MIDEAS: variants seen among roughly 807,000 people sequenced by gnomAD.
MIDEAS encodes mitotic deacetylase associated SANT domain protein.
MIDEAS carries 26 observed loss-of-function variants against 102.7 expected under a neutral mutation model. The observed-to-expected ratio is 0.25, with a 90% confidence interval of 0.19 to 0.35. MIDEAS has a LOEUF of 0.35. Among genes scored for constraint, MIDEAS ranks in the 10% least tolerant of loss-of-function variants. The pLI is 1.00. For synonymous variants in MIDEAS, 585 were observed against 591.0 expected (o/e 0.99, Z 0.15); for missense variants, 1,231 against 1,435.6 (o/e 0.86, Z 2.30).
At chr14:73,720,725 C>T (rs2052978309) in intron 11 of MIDEAS, among the ~76,000 whole-genome samples, 1 of 152,202 alleles carries the variant, frequency 6.6e-6, no homozygotes, top group Admixed American at 6.5e-5. Flanking sequence ...GTCCAAGGAC[C>T]TGGGGCAAGT....
At chr14:73,786,632 A>T (rs138782953) in intron 1 of MIDEAS, among the ~76,000 whole-genome samples, 1,682 of 152,342 alleles carry the variant, frequency 0.011, 40 homozygotes, top group African/African-American at 0.039. Context: ...TCTTCGTCCC[A>T]GGAAGGCCAA....
rs1199484507 is a variant in MIDEAS at position 73,759,032 on chromosome 14, C to T, written c.-248+731G>A. ...AGGCACCAGGGAACACAGCTCCCCG[C>T]GAGGCACCGCGCGGGCTGGGAGGGC... On this transcript the variant is annotated intron_variant, in intron 1 of 12. Transcript: ENST00000423556. The surrounding 1 kb of genome is among the most constrained non-coding windows in gnomAD (Gnocchi z 6.7). 6.6e-6 allele frequency among the ~76,000 whole-genome samples: 1 copy of T among 152,124 alleles called. No homozygotes were observed. Among genetic ancestry groups the T allele is most frequent in the South Asian group, 2.1e-4 (1 of 4,830 alleles).
At chr14:73,727,599 G>T in intron 4 of MIDEAS, 75 bp from the exon 5 acceptor site, 2 of 1,381,324 alleles carry the variant, frequency 1.4e-6, no homozygotes, top group East Asian at 2.5e-5. Context: ...TGGCTGCCCT[G>T]TATGTGCAAG....
At chr14:73,776,121 A>C (rs2053685914) in intron 1 of MIDEAS, among the ~76,000 whole-genome samples, 1 of 151,980 alleles carries the variant, frequency 6.6e-6, no homozygotes, top group Admixed American at 6.6e-5. Flanking sequence ...CTTGGGGAAG[A>C]AGCAGAATTC....
At chr14:73,757,199 G>C (rs2053494038) in intron 1 of MIDEAS, among the ~76,000 whole-genome samples, 1 of 145,036 alleles carries the variant, frequency 6.9e-6, no homozygotes, top group African/African-American at 2.6e-5. Context: ...TTGAGCCCAG[G>C]AGGCTGAGAT....
At chr14:73,761,536 C>A (rs2053554425), upstream of MIDEAS, among the ~76,000 whole-genome samples, 1 of 152,216 alleles carries the variant, frequency 6.6e-6, no homozygotes, top group Non-Finnish European at 1.5e-5. Context: ...ATAAGGAACA[C>A]TTAAAACAAT....
chr14:73,732,095 G>A (rs2053146337), intron 3 of MIDEAS, among the ~76,000 whole-genome samples: 1 of 152,202 alleles, frequency 6.6e-6, no homozygotes, highest in African/African-American at 2.4e-5. Flanking sequence ...GCATTGAGCT[G>A]TGGAGCTGCT....
intron 1 of MIDEAS, among the ~76,000 whole-genome samples, chr14:73,743,987 C>A (rs2053316805): frequency 1.3e-5 from 2 of 151,360 alleles, no homozygotes; most frequent in South Asian, 4.2e-4. Flanking sequence ...TGGGACCTAG[C>A]AGGCTTTCAG....
chr14:73,761,088 T>TGGTGGTGGCGGCGGC (rs2053550538), upstream of MIDEAS, among the ~76,000 whole-genome samples: 1 of 151,614 alleles, frequency 6.6e-6, no homozygotes, highest in Non-Finnish European at 1.5e-5. Flanking sequence ...GGTGCAGTGG[T>TGGTGGTGGCGGCGGC]GGTGGTGGCG....
intron 1 of MIDEAS, among the ~76,000 whole-genome samples, chr14:73,747,126 A>C (rs1344907046): frequency 6.6e-6 from 1 of 152,170 alleles, no homozygotes; most frequent in African/African-American, 2.4e-5. Context: ...CCTCCAGCAC[A>C]TATTGTTGTC....
At chr14:73,740,628 C>A (rs188026728) in intron 1 of MIDEAS, among the ~76,000 whole-genome samples, 17 of 152,374 alleles carry the variant, frequency 1.1e-4, no homozygotes, top group African/African-American at 3.8e-4. Flanking sequence ...GAGAAAGAGG[C>A]AGCAAAAGCC....
Position 73,755,778 on chromosome 14 carries a change from C to T in MIDEAS, c.-248+3985G>A, listed in dbSNP as rs192548960. ...CTTCATTTATACAAGCTTCAGTGGCCTGGTAGATTGCTTTCCTACTATAAA... is the reference window on the plus strand; with the variant it reads ...CTTCATTTATACAAGCTTCAGTGGCTTGGTAGATTGCTTTCCTACTATAAA... On this transcript the variant is annotated intron_variant, in intron 1 of 12. Coordinates refer to ENST00000423556, the MANE Select transcript of MIDEAS (RefSeq NM_001367710.1). Among the ~76,000 whole-genome samples the T allele has an allele frequency of 1.8e-3, 270 of 152,324 alleles. 1 individual carries two copies. Among genetic ancestry groups the T allele is most frequent in the Middle Eastern group, 3.4e-3 (1 of 294 alleles).
intron 1 of MIDEAS, among the ~76,000 whole-genome samples, chr14:73,747,940 C>T (rs562573230): frequency 6.6e-5 from 10 of 152,314 alleles, no homozygotes; most frequent in African/African-American, 2.4e-4. Context: ...CTAGGGTTAA[C>T]TGTGGCTCTT....
At chr14:73,748,433 A>C (rs1436850499) in intron 1 of MIDEAS, among the ~76,000 whole-genome samples, 1 of 152,202 alleles carries the variant, frequency 6.6e-6, no homozygotes, top group African/African-American at 2.4e-5. Context: ...CGGGAGGCTG[A>C]GGTAGGAGAA....
chr14:73,739,728 G>A lies in MIDEAS; in HGVS notation c.281C>T (p.Ser94Leu). 2 of 1,613,948 alleles carry A rather than the reference G, an allele frequency of 1.2e-6. No homozygotes were observed. The highest frequency in any genetic ancestry group is 1.7e-6 in the Non-Finnish European group (2 of 1,180,028). The change falls in exon 2 of 13, where the codon TCA becomes TTA. Residue 94 changes from serine (S) to leucine (L), a missense_variant. Physicochemically the swap from Ser to Leu is moderately radical, Grantham distance 145. This residue lies in a region of MIDEAS where 758 missense variants were observed against 856.0 expected (regional missense o/e 0.89). Coordinates refer to ENST00000423556, the MANE Select transcript of MIDEAS (RefSeq NM_001367710.1). ...SAAMLSQQVASVKWPNSVMAP... is the reference protein window; with the variant it reads ...SAAMLSQQVALVKWPNSVMAP... ...CATCACAGAGTTGGGCCACTTTACT[G>A]AGGCCACCTGCTGGGACAGCATGGC...
intron 1 of MIDEAS, among the ~76,000 whole-genome samples, chr14:73,758,320 C>T (rs1350686659): frequency 6.6e-6 from 1 of 152,242 alleles, no homozygotes; most frequent in Non-Finnish European, 1.5e-5. Flanking sequence ...CCAAAAGGGG[C>T]GTGTGCCACA....
At chr14:73,781,989 G>A (rs552349430) in intron 1 of MIDEAS, among the ~76,000 whole-genome samples, 30 of 151,444 alleles carry the variant, frequency 2.0e-4, no homozygotes, top group African/African-American at 5.3e-4. Flanking sequence ...CCTGGGGTGC[G>A]GAGGTTGCAG....
At chr14:73,778,822 T>C (rs1337251700) in intron 1 of MIDEAS, among the ~76,000 whole-genome samples, 1 of 152,056 alleles carries the variant, frequency 6.6e-6, no homozygotes, top group Non-Finnish European at 1.5e-5. Context: ...GTTTAAAACC[T>C]ACTCCATGGA....
chr14:73,752,194 T>C (rs1356425658), intron 1 of MIDEAS, among the ~76,000 whole-genome samples: 1 of 152,174 alleles, frequency 6.6e-6, no homozygotes, highest in Non-Finnish European at 1.5e-5. Flanking sequence ...CAAAGATCAT[T>C]TGTCCAAACC....
Sources: allele counts gnomAD v4.1 joint callset (sites outside exome capture counted in the v4.1 genomes callset), GRCh38; gene constraint gnomAD v4.1.1; regional missense constraint gnomAD v4.1.1; non-coding constraint Gnocchi (gnomAD v3.1); transcripts MANE v1.5; gene names NCBI Gene and HGNC (gene_info 2026-07-23, HGNC 2026-07-21).